The following SPPL3 variants were observed in gnomAD, a reference collection of about 807,000 sequenced individuals.
The protein encoded by SPPL3 is signal peptide peptidase-like 3.
A neutral mutation model predicts 42.4 loss-of-function variants in SPPL3; 5 were observed. The ratio of observed to expected loss-of-function variants is 0.12; its 90% CI spans 0.06 to 0.25. The LOEUF (loss-of-function observed/expected upper bound fraction) is 0.25, where lower values mean the gene tolerates loss of function less well. SPPL3 is among the 10% of genes least tolerant of loss of function. The pLI, the probability that SPPL3 is intolerant of heterozygous loss-of-function variation, is 1.00. For synonymous variants in SPPL3, 195 were observed against 181.8 expected (o/e 1.07, Z -0.58); for missense variants, 235 against 489.0 (o/e 0.48, Z 4.90).
intron 1 of SPPL3, among the ~76,000 whole-genome samples, chr12:120,834,924 GA>G (rs1871557375): frequency 2.0e-5 from 3 of 152,114 alleles, no homozygotes; most frequent in African/African-American, 7.2e-5. Flanking sequence ...ACACATTTCT[GA>G]ACTATTAATA....
intron 1 of SPPL3, among the ~76,000 whole-genome samples, chr12:120,834,996 G>T (rs1470700205): frequency 1.3e-5 from 2 of 152,128 alleles, no homozygotes; most frequent in Admixed American, 1.3e-4. Context: ...ATGAGGTTCA[G>T]GCAGCTTAGT....
chr12:120,833,481 AAG>A (rs1871497403), intron 1 of SPPL3, among the ~76,000 whole-genome samples: 1 of 152,146 alleles, frequency 6.6e-6, no homozygotes, highest in Non-Finnish European at 1.5e-5. Context: ...TATGAGGAGC[AAG>A]AGACATGTAG....
chr12:120,817,132 T>TAA (rs34780548), intron 1 of SPPL3, among the ~76,000 whole-genome samples: 37 of 143,582 alleles, frequency 2.6e-4, no homozygotes, highest in African/African-American at 4.1e-4. Flanking sequence ...TATGAAAAAT[T>TAA]AAAAAAAAAA....
At chr12:120,886,812 G>A (rs1873474707) in intron 1 of SPPL3, among the ~76,000 whole-genome samples, 1 of 152,112 alleles carries the variant, frequency 6.6e-6, no homozygotes, top group Admixed American at 6.6e-5. Context: ...TAGATCATAA[G>A]TATTTACCAC....
intron 2 of SPPL3, among the ~76,000 whole-genome samples, chr12:120,798,571 T>A (rs1248513635): frequency 6.6e-6 from 1 of 152,190 alleles, no homozygotes; most frequent in Non-Finnish European, 1.5e-5. Context: ...CTAGGGTTGG[T>A]GATGCATTTA....
chr12:120,782,029 T>C lies in SPPL3; in HGVS notation c.502+626A>G, dbSNP rs140044151. ...AGTAGCTGGGACTGCAGGTGTACCA[T>C]GCCCAGATGATTTTTATTTTTGTAG... On this transcript the variant is annotated intron_variant, in intron 6 of 10. Coordinates refer to ENST00000353487, the MANE Select transcript of SPPL3 (RefSeq NM_139015.5). Among the ~76,000 whole-genome samples the C allele has an allele frequency of 6.4e-3, 971 of 152,188 alleles. 9 individuals are homozygous for C. Among genetic ancestry groups the C allele is most frequent in the African/African-American group, 0.022 (927 of 41,530 alleles).
intron 1 of SPPL3, among the ~76,000 whole-genome samples, chr12:120,852,793 ATC>A (rs151137157): frequency 0.68 from 36,656 of 53,752 alleles, 16,146 homozygotes; most frequent in East Asian, 0.88. Flanking sequence ...TATTTCATAT[ATC>A]ATATATACAT....
In SPPL3 at chr12:120,764,272, T is replaced by C. The variant is rs1868789490; in HGVS notation, c.*727A>G. On this transcript the variant is annotated 3_prime_UTR_variant, in exon 11 of 11. Coordinates refer to ENST00000353487, the MANE Select transcript of SPPL3 (RefSeq NM_139015.5). ...CCCTGTCAGCTACACAGCGTGATCTTAGCAGGATTTCATTTTTGTTTATTC... is the reference window on the plus strand; with the variant it reads ...CCCTGTCAGCTACACAGCGTGATCTCAGCAGGATTTCATTTTTGTTTATTC... 1 of 152,424 alleles carries C rather than the reference T, an allele frequency of 6.6e-6. No individual in the cohort carries two copies. The highest frequency in any genetic ancestry group is 6.5e-5 in the Admixed American group (1 of 15,278). The allele number at this position is 152,424 out of a possible 1,614,324, so 9.4% of individuals were successfully genotyped here. A position where few individuals can be genotyped will look rare whatever the true frequency, so the allele number is the denominator to read the frequency against.
At chr12:120,901,371 T>A (rs907339380) in intron 1 of SPPL3, among the ~76,000 whole-genome samples, 2 of 151,782 alleles carry the variant, frequency 1.3e-5, no homozygotes, top group African/African-American at 2.4e-5. Flanking sequence ...GGTGGGCAGA[T>A]CACTGGGTCA....
chr12:120,830,698 C>G (rs559093131), intron 1 of SPPL3, among the ~76,000 whole-genome samples: 1 of 150,798 alleles, frequency 6.6e-6, no homozygotes, highest in Non-Finnish European at 1.5e-5. Context: ...AATCCCATTA[C>G]TTATCTCATA....
intron 1 of SPPL3, chr12:120,903,381 AG>A (rs1270517929): frequency 1.6e-5 from 1 of 63,584 alleles, no homozygotes; most frequent in East Asian, 6.3e-4. Context: ...CTCCCAACTT[AG>A]AAGTTCTGCC....
At chr12:120,815,765 C>T (rs1424524933) in intron 1 of SPPL3, among the ~76,000 whole-genome samples, 1 of 152,044 alleles carries the variant, frequency 6.6e-6, no homozygotes, top group African/African-American at 2.4e-5. Flanking sequence ...CTCGCTCTGT[C>T]GCCCAGTCTG....
intron 1 of SPPL3, among the ~76,000 whole-genome samples, chr12:120,815,217 G>T (rs1870827269): frequency 6.6e-6 from 1 of 152,138 alleles, no homozygotes; most frequent in Non-Finnish European, 1.5e-5. Flanking sequence ...CTACAGAGAG[G>T]TTATACCATT....
intron 1 of SPPL3, among the ~76,000 whole-genome samples, chr12:120,852,102 C>CAA (rs2137034481): frequency 9.6e-5 from 1 of 10,394 alleles, no homozygotes; most frequent in East Asian, 0.056. Context: ...TCTGTGATAC[C>CAA]CACGAGTTTG....
rs943360532 is a variant in SPPL3, at chr12:120,810,744, C to T, written c.101+65G>A. The T allele has an allele frequency of 6.1e-6, 8 of 1,315,662 alleles. No homozygotes were observed. In the African/African-American group the frequency reaches 1.0e-4, roughly 17 times the overall value. 81.5% of individuals were successfully genotyped at this position (1,315,662 alleles called of 1,614,324 possible). A position where few individuals can be genotyped will look rare whatever the true frequency, so the allele number is the denominator to read the frequency against. ...CACAGAGTAAGTTTTGGTACCAGCA[C>T]TTTCAGAGCAATGCTTCCTTCTTCC... On this transcript the variant is annotated intron_variant, in intron 2 of 10. Coordinates refer to ENST00000353487, the MANE Select transcript of SPPL3 (RefSeq NM_139015.5).
intron 2 of SPPL3, 97 bp from the exon 3 acceptor site, chr12:120,791,654 AAAG>A (rs1236705937): frequency 6.5e-6 from 5 of 764,114 alleles, no homozygotes; most frequent in East Asian, 2.6e-5. Flanking sequence ...AGGAATTAGG[AAAG>A]AAGGTCTCTT....
intron 6 of SPPL3, among the ~76,000 whole-genome samples, chr12:120,774,311 T>C (rs1306188118): frequency 6.6e-6 from 1 of 152,172 alleles, no homozygotes; most frequent in African/African-American, 2.4e-5. Context: ...TCACTGCCAC[T>C]GTCAAACATC....
At chr12:120,894,342 A>G (rs1397356432) in intron 1 of SPPL3, among the ~76,000 whole-genome samples, 1 of 152,134 alleles carries the variant, frequency 6.6e-6, no homozygotes, top group Non-Finnish European at 1.5e-5. Flanking sequence ...AACAAACAAA[A>G]AAGAAATGAG....
At chr12:120,784,633 AC>A in intron 3 of SPPL3, 40 bp from the exon 4 acceptor site, 1 of 1,549,946 alleles carries the variant, frequency 6.5e-7, no homozygotes, top group Non-Finnish European at 8.8e-7. Flanking sequence ...CTTATTATGC[AC>A]CAGGCACTGT....
Sources: gnomAD v4.1 joint callset for allele counts (sites outside exome capture counted in the v4.1 genomes callset) on GRCh38, gnomAD v4.1.1 for gene constraint, MANE v1.5 for transcripts, NCBI Gene and HGNC (gene_info 2026-07-23, HGNC 2026-07-21) for gene names.